The following PPP1R21 variants were observed in gnomAD, a reference collection of about 807,000 sequenced individuals.
PPP1R21 encodes the protein KLRAQ motif containing 1.
A neutral mutation model predicts 112.8 loss-of-function variants in PPP1R21; 85 were observed. The observed-to-expected ratio is 0.75, with a 90% confidence interval of 0.63 to 0.90. The LOEUF is 0.90. Ranked by LOEUF, PPP1R21 falls within the 40% of genes least tolerant of loss-of-function variation. The pLI, the probability that PPP1R21 is intolerant of heterozygous loss-of-function variation, is 0.00. For missense variants in PPP1R21, 1,199 were observed against 901.5 expected (o/e 1.33, Z -4.23); for synonymous variants, 381 against 322.3 (o/e 1.18, Z -1.95).
chr2:48,443,695 C>T (rs1482063511), intron 1 of PPP1R21, among the ~76,000 whole-genome samples: 1 of 152,182 alleles, frequency 6.6e-6, no homozygotes, highest in African/African-American at 2.4e-5. Flanking sequence ...CAAAAGATTT[C>T]TTGTGCTTTT....
chr2:48,509,903 G>C, intron 19 of PPP1R21, 112 bp from the exon 20 acceptor site: 1 of 632,716 alleles, frequency 1.6e-6, no homozygotes, highest in Non-Finnish European at 2.8e-6. Flanking sequence ...GATTATTTGT[G>C]GAATGAATGA....
intron 8 of PPP1R21, 42 bp from the exon 9 acceptor site, chr2:48,465,451 A>G (rs1668157001): frequency 6.4e-7 from 1 of 1,557,798 alleles, no homozygotes; most frequent in Admixed American, 1.9e-5. Flanking sequence ...TTAGGATAAT[A>G]ATTTGAGAGT....
intron 17 of PPP1R21, among the ~76,000 whole-genome samples, chr2:48,499,949 CA>C (rs1244434695): frequency 1.3e-5 from 2 of 152,044 alleles, no homozygotes; most frequent in African/African-American, 4.8e-5. Context: ...TTTTAACAAA[CA>C]TTTTTTTTAC....
At chr2:48,503,446 A>T (rs1355028850) in intron 17 of PPP1R21, among the ~76,000 whole-genome samples, 1 of 152,190 alleles carries the variant, frequency 6.6e-6, no homozygotes, top group Non-Finnish European at 1.5e-5. Context: ...ATTTTAAATA[A>T]TGTCTCATTT....
chr2:48,489,787 TG>T (rs1669475038), intron 14 of PPP1R21, among the ~76,000 whole-genome samples: 1 of 152,098 alleles, frequency 6.6e-6, no homozygotes, highest in Non-Finnish European at 1.5e-5. Context: ...GGCTCACGCC[TG>T]TAATTCCAGC....
intron 19 of PPP1R21, among the ~76,000 whole-genome samples, chr2:48,507,982 C>G (rs986481934): frequency 2.0e-5 from 3 of 150,514 alleles, no homozygotes; most frequent in Non-Finnish European, 3.0e-5. Context: ...CCAGGCTGGT[C>G]TTGAACTCCT....
intron 15 of PPP1R21, among the ~76,000 whole-genome samples, chr2:48,495,197 T>A (rs1446503479): frequency 6.6e-6 from 1 of 152,196 alleles, no homozygotes; most frequent in Non-Finnish European, 1.5e-5. Flanking sequence ...AAGTTCTTTA[T>A]TGTTTTTCTT....
Position 48,474,839 on chromosome 2 carries a change from A to G in PPP1R21, c.1225+20A>G. 6.2e-7 allele frequency: 1 copy of G among 1,607,718 alleles called. No individual in the cohort carries two copies. Among genetic ancestry groups the G allele is most frequent in the Non-Finnish European group, 8.5e-7 (1 of 1,177,056 alleles). ...TGCCAAGTAAGTATGTTTGTTGCTT[A>G]GGGGTCAACTTCAAGGACTTAAGAG... On this transcript the variant is annotated intron_variant, in intron 12 of 21. Coordinates refer to ENST00000294952, the MANE Select transcript of PPP1R21 (RefSeq NM_001135629.3).
chr2:48,493,947 T>G lies in PPP1R21; in HGVS notation c.1600-1732T>G, dbSNP rs375075331. On this transcript the variant is annotated intron_variant, in intron 15 of 21. Coordinates refer to ENST00000294952, the MANE Select transcript of PPP1R21 (RefSeq NM_001135629.3). ...GTATGTTGAAAATGTTGCAGCCGGG[T>G]GCAGTGGCTCATGCCTGTAATCCCG... 8.0e-5 allele frequency among the ~76,000 whole-genome samples: 12 copies of G among 150,222 alleles called. No homozygotes were observed. In the East Asian group the frequency reaches 1.6e-3, roughly 20 times the overall value.
chr2:48,450,282 CTG>C (rs1401661702), intron 1 of PPP1R21, among the ~76,000 whole-genome samples: 7 of 152,326 alleles, frequency 4.6e-5, no homozygotes, highest in Admixed American at 3.3e-4. Context: ...CTTAACTTCT[CTG>C]TGCCTCAGTT....
In PPP1R21 at chr2:48,465,537, G is replaced by A; in HGVS notation, c.792G>A (p.Gln264=). 1 of 1,613,868 alleles carries A rather than the reference G, an allele frequency of 6.2e-7. No homozygotes were observed. Among genetic ancestry groups the A allele is most frequent in the South Asian group, 1.1e-5 (1 of 91,020 alleles). ...DIAGQALAFV[Q]DLVTALLNFH... ...CTGGGCAGGCCCTGGCTTTTGTTCA[G>A]GATCTTGTGACGGCTCTTCTAAACT... The change falls in exon 9 of 22, where the codon CAG becomes CAA. Residue 264 remains glutamine (Q), a synonymous_variant. Coordinates refer to ENST00000294952, the MANE Select transcript of PPP1R21 (RefSeq NM_001135629.3).
intron 20 of PPP1R21, 56 bp downstream of exon 20, chr2:48,510,169 TA>T: frequency 1.5e-6 from 2 of 1,327,190 alleles, no homozygotes; most frequent in Non-Finnish European, 2.1e-6. Flanking sequence ...AGTTCTTTGG[TA>T]GCAAAGCAGC....
chr2:48,476,489 A>T (rs2103874430), intron 12 of PPP1R21, among the ~76,000 whole-genome samples: 1 of 152,310 alleles, frequency 6.6e-6, no homozygotes, highest in South Asian at 2.1e-4. Context: ...TTCCTGGGTC[A>T]TGTGGCAACT....
intron 14 of PPP1R21, among the ~76,000 whole-genome samples, chr2:48,488,389 C>T (rs1383878611): frequency 4.1e-5 from 6 of 146,532 alleles, no homozygotes; most frequent in East Asian, 2.0e-4. Context: ...TTTTTTGAGA[C>T]GGAGTCTTGC....
At position 48,472,930 on chromosome 2, in the gene PPP1R21, C is replaced by T. The variant is rs1423672308; in HGVS notation, c.1088+1563C>T. 1.6e-4 allele frequency among the ~76,000 whole-genome samples: 23 copies of T among 140,330 alleles called. No homozygotes were observed. The East Asian group carries it at 2.1e-3, about 13-fold the overall frequency. 92.1% of individuals were successfully genotyped at this position (140,330 alleles called of 152,430 possible). A position where few individuals can be genotyped will look rare whatever the true frequency, so the allele number is the denominator to read the frequency against. On this transcript the variant is annotated intron_variant, in intron 11 of 21. Coordinates refer to ENST00000294952, the MANE Select transcript of PPP1R21 (RefSeq NM_001135629.3). ...TGCAGCCTGGGTGATAGAGTCCCTG[C>T]CTCTTAAAAAAAAAAAAAAGAAAAG...
At chr2:48,451,939 A>G (rs1667493396) in intron 2 of PPP1R21, among the ~76,000 whole-genome samples, 1 of 152,174 alleles carries the variant, frequency 6.6e-6, no homozygotes, top group Non-Finnish European at 1.5e-5. Flanking sequence ...CCTACAGGAG[A>G]GAAATCTGTC....
chr2:48,461,537 AG>A lies in PPP1R21; in HGVS notation c.694+306del, dbSNP rs528547870. Among the ~76,000 whole-genome samples, 219 of 152,330 alleles carry A rather than the reference AG, an allele frequency of 1.4e-3. 1 individual carries two copies. Among genetic ancestry groups the A allele is most frequent in the African/African-American group, 5.1e-3 (212 of 41,572 alleles). ...ACATAAATAGTTGAATATTTGTACA[AG>A]AAAAATTGTTGATTGGGGTGGGGGA... On this transcript the variant is annotated intron_variant, in intron 7 of 21. Transcript: ENST00000294952.
At position 48,469,487 on chromosome 2, in the gene PPP1R21, GCATATATATATATAT is replaced by G. The variant is rs1388474911; in HGVS notation, c.898-1599_898-1585del. 6.2e-4 allele frequency among the ~76,000 whole-genome samples: 22 copies of G among 35,560 alleles called. 4 individuals carry two copies. The highest frequency in any genetic ancestry group is 3.0e-3 in the African/African-American group (20 of 6,604). 23.3% of individuals were successfully genotyped at this position (35,560 alleles called of 152,430 possible). On this transcript the variant is annotated intron_variant, in intron 9 of 21. Transcript: ENST00000294952. ...TATAGAGCATATATATATATATAGA[GCATATATATATATAT>G]ATAGAGCATATATATATATATATAT... is the stretch of plus-strand genomic sequence containing the variant.
chr2:48,450,495 A>G (rs893168616), intron 1 of PPP1R21, among the ~76,000 whole-genome samples: 3 of 152,186 alleles, frequency 2.0e-5, no homozygotes, highest in African/African-American at 7.2e-5. Context: ...GCCCGAGGCC[A>G]TTGTTGATGA....
Sources: gnomAD v4.1 joint callset for allele counts (sites outside exome capture counted in the v4.1 genomes callset) on GRCh38, gnomAD v4.1.1 for gene constraint, MANE v1.5 for transcripts, NCBI Gene and HGNC (gene_info 2026-07-23, HGNC 2026-07-21) for gene names.